The following AGAP1 variants were observed in gnomAD, a reference collection of about 807,000 sequenced individuals.
AGAP1 encodes the protein arf-GAP with GTPase, ANK repeat and PH domain-containing protein 1.
Under a neutral mutation model 105.3 loss-of-function variants are expected in AGAP1, and 29 were observed. The observed-to-expected ratio is 0.28, with a 90% confidence interval of 0.21 to 0.38. The LOEUF (loss-of-function observed/expected upper bound fraction) is 0.38. Among genes scored for constraint, AGAP1 ranks in the 10% least tolerant of loss-of-function variants. The pLI is 1.00. For missense variants in AGAP1, 998 were observed against 1,165.1 expected (o/e 0.86, Z 2.09); for synonymous variants, 509 against 485.9 (o/e 1.05, Z -0.63).
intron 13 of AGAP1, among the ~76,000 whole-genome samples, chr2:236,015,444 T>C (rs1048070348): frequency 1.3e-5 from 2 of 152,236 alleles, no homozygotes; most frequent in Non-Finnish European, 2.9e-5. Context: ...GTGCCAAAGT[T>C]CACAAATTGA....
intron 11 of AGAP1, among the ~76,000 whole-genome samples, chr2:235,911,324 A>G (rs575381164): frequency 6.6e-6 from 1 of 152,208 alleles, no homozygotes; most frequent in South Asian, 2.1e-4. Flanking sequence ...AGGGCTGTGT[A>G]AAGGGCAGGG....
At chr2:236,011,348 T>C (rs6749436) in intron 13 of AGAP1, among the ~76,000 whole-genome samples, 99,558 of 152,182 alleles carry the variant, frequency 0.65, 33,986 homozygotes, top group African/African-American at 0.85. Flanking sequence ...ATCAGTCTCG[T>C]TGTCTACACT....
At chr2:235,607,063 T>G (rs1945966395) in intron 1 of AGAP1, among the ~76,000 whole-genome samples, 1 of 151,834 alleles carries the variant, frequency 6.6e-6, no homozygotes, top group Non-Finnish European at 1.5e-5. Flanking sequence ...AAAATGGGTA[T>G]TAAATTATTG....
In AGAP1 at chr2:235,904,134, A is replaced by G. The variant is rs1334316351; in HGVS notation, c.1156-4604A>G. On this transcript the variant is annotated intron_variant, in intron 10 of 17. Transcript: ENST00000304032. The surrounding 1 kb of genome is among the most constrained non-coding windows in gnomAD (Gnocchi z 4.2). ...GGCTAATTGAATGAAACTCAATCATAGCTCTTAATTGCTTGACTATGTGAA... is the reference window on the plus strand; with the variant it reads ...GGCTAATTGAATGAAACTCAATCATGGCTCTTAATTGCTTGACTATGTGAA... 2.6e-5 allele frequency among the ~76,000 whole-genome samples: 4 copies of G among 152,234 alleles called. No homozygotes were observed. The highest frequency in any genetic ancestry group is 5.9e-5 in the Non-Finnish European group (4 of 68,046).
Position 235,566,639 on chromosome 2 carries a change from A to C in AGAP1, c.163+71790A>C, listed in dbSNP as rs1028981175. On this transcript the variant is annotated intron_variant, in intron 1 of 17. Coordinates refer to ENST00000304032, the MANE Select transcript of AGAP1 (RefSeq NM_001037131.3). This position sits in a 1 kb window ranked among gnomAD's most constrained non-coding sequence, Gnocchi z 5.2. ...CTCTTATTTATGTTGTATGCCTGAC[A>C]CCTTCCTCATGCCGCAGGACCAGCC... 25 of 978,994 alleles carry C rather than the reference A, an allele frequency of 2.6e-5. No homozygotes were observed. Among genetic ancestry groups the C allele is most frequent in the Non-Finnish European group, 3.0e-5 (25 of 824,300 alleles). The allele number at this position is 978,994 out of a possible 1,614,324, so 60.6% of individuals were successfully genotyped here.
In AGAP1 at chr2:236,036,521, C is replaced by T; in HGVS notation, c.1646-40C>T. On this transcript the variant is annotated intron_variant, in intron 13 of 17. Coordinates refer to ENST00000304032, the MANE Select transcript of AGAP1 (RefSeq NM_001037131.3). This position sits in a 1 kb window ranked among gnomAD's most constrained non-coding sequence, Gnocchi z 5.7. ...AGGGCCCGCAGGGGGACTGCTGTCT[C>T]ATAAAAGCTAAACTCTTCATCCCAC... 1 of 1,607,262 alleles carries T rather than the reference C, an allele frequency of 6.2e-7. No homozygotes were observed. The highest frequency in any genetic ancestry group is 8.5e-7 in the Non-Finnish European group (1 of 1,176,554).
rs535319994 is a variant in AGAP1, at chr2:235,612,676, C to T, written c.164-96503C>T. Among the ~76,000 whole-genome samples, 4 of 152,220 alleles carry T rather than the reference C, an allele frequency of 2.6e-5. No individual in the cohort carries two copies. The highest frequency in any genetic ancestry group is 4.4e-5 in the Non-Finnish European group (3 of 68,042). ...CAAACTTGGGAAATCCTGACCAGCGCATCCAGGGTTGCTTGGGCACAGTGG... is the reference window on the plus strand; with the variant it reads ...CAAACTTGGGAAATCCTGACCAGCGTATCCAGGGTTGCTTGGGCACAGTGG... On this transcript the variant is annotated intron_variant, in intron 1 of 17. Coordinates refer to ENST00000304032, the MANE Select transcript of AGAP1 (RefSeq NM_001037131.3). This position sits in a 1 kb window ranked among gnomAD's most constrained non-coding sequence, Gnocchi z 4.3.
rs772844352 is a variant in AGAP1, at chr2:235,930,768, A to G, written c.1328A>G (p.Asn443Ser). Residue 443 changes from asparagine to serine, a missense_variant, in exon 12 of 18, where the codon AAT becomes AGT. This residue lies in a region of AGAP1 where 735 missense variants were observed against 833.4 expected (regional missense o/e 0.88). Transcript: ENST00000304032. This position sits in a 1 kb window ranked among gnomAD's most constrained non-coding sequence, Gnocchi z 7.9. ...SSLHISPNSGNVTSASGSQMA... is the reference protein window; with the variant it reads ...SSLHISPNSGSVTSASGSQMA... ...CACCTGACTTGTTTATTCCTAGGGA[A>G]TGTCACTAGTGCATCTGGGTCTCAG... is the stretch of plus-strand genomic sequence containing the variant. 10 of 1,613,268 alleles carry G rather than the reference A, an allele frequency of 6.2e-6. No homozygotes were observed. The highest frequency in any genetic ancestry group is 7.6e-6 in the Non-Finnish European group (9 of 1,179,774).
At chr2:235,886,622 T>C (rs1479698014) in intron 10 of AGAP1, among the ~76,000 whole-genome samples, 1 of 152,070 alleles carries the variant, frequency 6.6e-6, no homozygotes, top group East Asian at 1.9e-4. Flanking sequence ...GGGGCTTTGT[T>C]GTATAATTGT....
In AGAP1 at chr2:236,093,494, A is replaced by G. The variant is rs141048965; in HGVS notation, c.2115-26698A>G. On this transcript the variant is annotated intron_variant, in intron 16 of 17. Transcript: ENST00000304032. ...ACCCAAATGGAATCGGACAAACACA[A>G]TTGGGGGCATTTTCCAATAGAAATA... Among the ~76,000 whole-genome samples, 444 of 152,270 alleles carry G rather than the reference A, an allele frequency of 2.9e-3. 1 individual carries two copies. The highest frequency in any genetic ancestry group is 9.6e-3 in the African/African-American group (397 of 41,528).
Position 236,035,248 on chromosome 2 carries a change from C to G in AGAP1, c.1646-1313C>G, listed in dbSNP as rs1227131316. Among the ~76,000 whole-genome samples, 1 of 152,186 alleles carries G rather than the reference C, an allele frequency of 6.6e-6. No homozygotes were observed. Among genetic ancestry groups the G allele is most frequent in the African/African-American group, 2.4e-5 (1 of 41,454 alleles). ...TGAAAGTCAGTACTAATAATAGTTG[C>G]TCGCCAGGGGATTATAATGCAGCTA... On this transcript the variant is annotated intron_variant, in intron 13 of 17. Coordinates refer to ENST00000304032, the MANE Select transcript of AGAP1 (RefSeq NM_001037131.3). The surrounding 1 kb of genome is among the most constrained non-coding windows in gnomAD (Gnocchi z 4.2).
intron 11 of AGAP1, among the ~76,000 whole-genome samples, chr2:235,912,200 G>A (rs6707188): frequency 0.78 from 118,037 of 152,224 alleles, 45,873 homozygotes; most frequent in East Asian, 0.98. Context: ...AAAGTGATAC[G>A]TTCTTTCTTG....
rs969508983 is a variant in AGAP1, at chr2:235,660,830, C to A, written c.164-48349C>A. 6.6e-6 allele frequency among the ~76,000 whole-genome samples: 1 copy of A among 152,166 alleles called. No homozygotes were observed. On this transcript the variant is annotated intron_variant, in intron 1 of 17. Coordinates refer to ENST00000304032, the MANE Select transcript of AGAP1 (RefSeq NM_001037131.3). The surrounding 1 kb of genome is among the most constrained non-coding windows in gnomAD (Gnocchi z 5.3). ...GTCGCAGCTACCGTATTGTTCTTGTCCCGTTTTTGCAGAAATGAAAACCTG... is the reference window on the plus strand; with the variant it reads ...GTCGCAGCTACCGTATTGTTCTTGTACCGTTTTTGCAGAAATGAAAACCTG...
intron 11 of AGAP1, among the ~76,000 whole-genome samples, chr2:235,916,177 A>G (rs1490758152): frequency 6.7e-6 from 1 of 149,730 alleles, no homozygotes; most frequent in Non-Finnish European, 1.5e-5. Context: ...AGAAAAAAAA[A>G]GAAGAATCCA....
At position 235,692,381 on chromosome 2, in the gene AGAP1, A is replaced by G. The variant is rs1025045094; in HGVS notation, c.164-16798A>G. 6.6e-6 allele frequency among the ~76,000 whole-genome samples: 1 copy of G among 152,112 alleles called. No homozygotes were observed. Among genetic ancestry groups the G allele is most frequent in the South Asian group, 2.1e-4 (1 of 4,816 alleles). Reference sequence around the variant, plus strand: ...TTTGCTCCTTTGTGCCTGCACTGCCAGGTGCACATCGAGCCTAATCTGGCT... The same window carrying G: ...TTTGCTCCTTTGTGCCTGCACTGCCGGGTGCACATCGAGCCTAATCTGGCT... On this transcript the variant is annotated intron_variant, in intron 1 of 17. Coordinates refer to ENST00000304032, the MANE Select transcript of AGAP1 (RefSeq NM_001037131.3). This position sits in a 1 kb window ranked among gnomAD's most constrained non-coding sequence, Gnocchi z 5.8.
intron 1 of AGAP1, among the ~76,000 whole-genome samples, chr2:235,645,599 G>T (rs888661184): frequency 1.3e-5 from 2 of 152,006 alleles, no homozygotes; most frequent in African/African-American, 4.8e-5. Flanking sequence ...GTCATTGCAG[G>T]GGTTTACGCC....
intron 16 of AGAP1, among the ~76,000 whole-genome samples, chr2:236,099,462 A>C (rs2059290367): frequency 1.3e-5 from 2 of 152,102 alleles, no homozygotes; most frequent in South Asian, 2.1e-4. Flanking sequence ...CTCAAAAAAA[A>C]AAAGAAAAGA....
chr2:235,769,752 C>T lies in AGAP1; in HGVS notation c.673+19264C>T, dbSNP rs1379430454. Among the ~76,000 whole-genome samples the T allele has an allele frequency of 6.6e-6, 1 of 152,256 alleles. No individual in the cohort carries two copies. Among genetic ancestry groups the T allele is most frequent in the South Asian group, 2.1e-4 (1 of 4,814 alleles). On this transcript the variant is annotated intron_variant, in intron 6 of 17. Transcript: ENST00000304032. The surrounding 1 kb of genome is among the most constrained non-coding windows in gnomAD (Gnocchi z 4.4). ...GGGCATCTCCAGGTGCCGCCTCTCACCTGGTCCTGGATCATGGGGGAGGCA... is the reference window on the plus strand; with the variant it reads ...GGGCATCTCCAGGTGCCGCCTCTCATCTGGTCCTGGATCATGGGGGAGGCA...
At position 236,105,251 on chromosome 2, in the gene AGAP1, G is replaced by GA. The variant is rs1209921612; in HGVS notation, c.2115-14939dup. On this transcript the variant is annotated intron_variant, in intron 16 of 17. Transcript: ENST00000304032. The surrounding 1 kb of genome is among the most constrained non-coding windows in gnomAD (Gnocchi z 4.2). ...AAAAATCCAAAACATCCCACTTTAAGAACCCTGCATGCACACAGTCTTGCG... is the reference window on the plus strand; with the variant it reads ...AAAAATCCAAAACATCCCACTTTAAGAAACCCTGCATGCACACAGTCTTGCG... Among the ~76,000 whole-genome samples, 1 of 152,262 alleles carries GA rather than the reference G, an allele frequency of 6.6e-6. No individual in the cohort carries two copies. Among genetic ancestry groups the GA allele is most frequent in the Admixed American group, 6.5e-5 (1 of 15,296 alleles).
Sources: gnomAD v4.1 joint callset for allele counts (sites outside exome capture counted in the v4.1 genomes callset) on GRCh38, gnomAD v4.1.1 for gene constraint, gnomAD v4.1.1 regional missense constraint, Gnocchi (gnomAD v3.1) non-coding constraint, MANE v1.5 for transcripts, NCBI Gene and HGNC (gene_info 2026-07-23, HGNC 2026-07-21) for gene names.